ATP8A2: variants seen among roughly 807,000 people sequenced by gnomAD.
The protein encoded by ATP8A2 is phospholipid-transporting ATPase IB.
In ATP8A2, 100 loss-of-function variants were observed where a neutral mutation model predicts 165.6. That is an observed-to-expected ratio of 0.60 (90% CI 0.51 to 0.71). The LOEUF (loss-of-function observed/expected upper bound fraction) is 0.71. Ranked by LOEUF, ATP8A2 falls within the 30% of genes least tolerant of loss-of-function variation. The pLI is 0.00. For synonymous variants in ATP8A2, 543 were observed against 548.8 expected (o/e 0.99, Z 0.15); for missense variants, 1,227 against 1,479.5 (o/e 0.83, Z 2.80).
At chr13:25,642,864 C>G (rs1010489704) in intron 24 of ATP8A2, among the ~76,000 whole-genome samples, 1 of 152,116 alleles carries the variant, frequency 6.6e-6, no homozygotes, top group Non-Finnish European at 1.5e-5. Flanking sequence ...ACATGCACAC[C>G]GTGGAATACT....
At chr13:25,485,334 G>A (rs1448261871) in intron 2 of ATP8A2, among the ~76,000 whole-genome samples, 1 of 152,228 alleles carries the variant, frequency 6.6e-6, no homozygotes, top group East Asian at 1.9e-4. Flanking sequence ...TCTGTACATG[G>A]GTCAGTCATA....
intron 12 of ATP8A2, among the ~76,000 whole-genome samples, chr13:25,554,681 C>T (rs1344119941): frequency 2.6e-5 from 4 of 151,868 alleles, no homozygotes; most frequent in African/African-American, 4.8e-5. Context: ...GCGTCAGCCT[C>T]CCTGAGTAGC....
At chr13:25,490,756 T>TG (rs1167226071) in intron 2 of ATP8A2, among the ~76,000 whole-genome samples, 3 of 150,246 alleles carry the variant, frequency 2.0e-5, no homozygotes, top group South Asian at 2.1e-4. Context: ...TTTGTTTGTT[T>TG]TTTGTTTTTT....
At chr13:25,963,326 A>G (rs1955700826) in intron 34 of ATP8A2, among the ~76,000 whole-genome samples, 2 of 150,944 alleles carry the variant, frequency 1.3e-5, no homozygotes, top group South Asian at 4.2e-4. Flanking sequence ...CCTGGGAGGC[A>G]GAGGTTGCAG....
intron 1 of ATP8A2, among the ~76,000 whole-genome samples, chr13:25,457,843 G>T (rs754761332): frequency 6.6e-6 from 1 of 152,198 alleles, no homozygotes; most frequent in Non-Finnish European, 1.5e-5. Context: ...CAAGAGAGTC[G>T]GGAAAAGCCA....
At chr13:25,449,797 T>C (rs1166377734) in intron 1 of ATP8A2, among the ~76,000 whole-genome samples, 1 of 152,268 alleles carries the variant, frequency 6.6e-6, no homozygotes, top group Non-Finnish European at 1.5e-5. Flanking sequence ...TGATGAAATG[T>C]GCTTTTTTGC....
At chr13:25,593,708 C>G (rs2040157367) in intron 24 of ATP8A2, among the ~76,000 whole-genome samples, 1 of 152,156 alleles carries the variant, frequency 6.6e-6, no homozygotes, top group African/African-American at 2.4e-5. Context: ...CATGGCGTTT[C>G]AAGTGAGAAA....
At chr13:25,984,300 A>G (rs565159706) in intron 35 of ATP8A2, among the ~76,000 whole-genome samples, 1 of 152,076 alleles carries the variant, frequency 6.6e-6, no homozygotes, top group Admixed American at 6.5e-5. Context: ...GAGTCCAGAA[A>G]GGTGCTAAGA....
intron 1 of ATP8A2, among the ~76,000 whole-genome samples, chr13:25,424,698 C>T (rs2034394727): frequency 6.6e-6 from 1 of 152,154 alleles, no homozygotes; most frequent in South Asian, 2.1e-4. Context: ...TGGCTCATGC[C>T]TATAATCCCA....
At chr13:25,966,207 C>T (rs191877542) in intron 34 of ATP8A2, among the ~76,000 whole-genome samples, 119 of 152,226 alleles carry the variant, frequency 7.8e-4, no homozygotes, top group African/African-American at 2.5e-3. Flanking sequence ...TCCAGCCTCT[C>T]GATGTGGGGT....
intron 25 of ATP8A2, among the ~76,000 whole-genome samples, chr13:25,761,586 TG>T (rs2044378855): frequency 1.3e-5 from 2 of 151,820 alleles, no homozygotes; most frequent in Non-Finnish European, 2.9e-5. Flanking sequence ...AAGACCAGCA[TG>T]GGCAACATAA....
chr13:25,617,464 G>T (rs931362264), intron 24 of ATP8A2, among the ~76,000 whole-genome samples: 1 of 152,134 alleles, frequency 6.6e-6, no homozygotes, highest in Non-Finnish European at 1.5e-5. Flanking sequence ...CATTATTTCA[G>T]TTCCCTCTGA....
At chr13:25,496,188 A>G (rs1031598945) in intron 2 of ATP8A2, among the ~76,000 whole-genome samples, 11 of 152,160 alleles carry the variant, frequency 7.2e-5, no homozygotes, top group African/African-American at 2.4e-4. Context: ...TGATGACTTT[A>G]TGTAATTATG....
At chr13:25,834,035 T>C (rs946066188) in intron 28 of ATP8A2, among the ~76,000 whole-genome samples, 4 of 152,218 alleles carry the variant, frequency 2.6e-5, no homozygotes, top group Non-Finnish European at 5.9e-5. Context: ...AGCAAATGTA[T>C]GAAAACCTGC....
intron 35 of ATP8A2, among the ~76,000 whole-genome samples, chr13:26,012,200 G>A (rs1017278011): frequency 1.6e-4 from 25 of 152,290 alleles, no homozygotes; most frequent in Middle Eastern, 6.8e-3. Context: ...GGAGTGAGGC[G>A]CGGAGATGTT....
At chr13:25,468,790 C>T (rs1253894752) in intron 1 of ATP8A2, 187 bp from the exon 2 acceptor site, 1 of 977,728 alleles carries the variant, frequency 1.0e-6, no homozygotes, top group Non-Finnish European at 1.2e-6. Context: ...GGGGGCGGGG[C>T]CGGCCTTGGC....
chr13:25,541,207 T>G (rs1442133967), intron 8 of ATP8A2, among the ~76,000 whole-genome samples: 1 of 152,176 alleles, frequency 6.6e-6, no homozygotes, highest in African/African-American at 2.4e-5. Flanking sequence ...TTTTAAGCAC[T>G]TTGAAGCTTA....
At position 25,750,847 on chromosome 13, in the gene ATP8A2, A is replaced by G. The variant is rs922284295; in HGVS notation, c.2385-18199A>G. ...TGGAATTACACGTGTAGTTCACTAA[A>G]GTATTCCTAGTGACAACATAGCCAT... On this transcript the variant is annotated intron_variant, in intron 25 of 36. Coordinates refer to ENST00000381655, the MANE Select transcript of ATP8A2 (RefSeq NM_016529.6). The surrounding 1 kb of genome is among the most constrained non-coding windows in gnomAD (Gnocchi z 4.3). 6.6e-6 allele frequency among the ~76,000 whole-genome samples: 1 copy of G among 152,214 alleles called. No individual in the cohort carries two copies. Among genetic ancestry groups the G allele is most frequent in the Non-Finnish European group, 1.5e-5 (1 of 68,034 alleles).
chr13:25,937,607 T>A (rs888549745), intron 33 of ATP8A2, among the ~76,000 whole-genome samples: 1 of 150,958 alleles, frequency 6.6e-6, no homozygotes. Flanking sequence ...CCCAGCACTT[T>A]GGGAGGCTGA....
Sources: gnomAD v4.1 joint callset for allele counts (sites outside exome capture counted in the v4.1 genomes callset) on GRCh38, gnomAD v4.1.1 for gene constraint, Gnocchi (gnomAD v3.1) non-coding constraint, MANE v1.5 for transcripts, NCBI Gene and HGNC (gene_info 2026-07-23, HGNC 2026-07-21) for gene names.